The following RBMS1 variants were observed in gnomAD, a reference collection of about 807,000 sequenced individuals.
RBMS1 encodes the protein RNA binding motif single stranded interacting protein 1.
A neutral mutation model predicts 62.3 loss-of-function variants in RBMS1; 17 were observed. The observed-to-expected ratio is 0.27, with a 90% CI of 0.19 to 0.41. RBMS1 has a LOEUF of 0.41. Among genes scored for constraint, RBMS1 ranks in the 10% least tolerant of loss-of-function variants. The pLI, the probability that RBMS1 is intolerant of heterozygous loss-of-function variation, is 1.00. For missense variants in RBMS1, 334 were observed against 504.5 expected (o/e 0.66, Z 3.24); for synonymous variants, 172 against 170.0 (o/e 1.01, Z -0.09).
chr2:160,359,439 G>A (rs531835240), intron 2 of RBMS1, among the ~76,000 whole-genome samples: 1 of 152,084 alleles, frequency 6.6e-6, no homozygotes, highest in Non-Finnish European at 1.5e-5. Context: ...TTTGACCTTG[G>A]GTCCCCTAAC....
At chr2:160,332,878 A>G (rs1691356447) in intron 2 of RBMS1, among the ~76,000 whole-genome samples, 2 of 149,688 alleles carry the variant, frequency 1.3e-5, no homozygotes, top group Admixed American at 6.7e-5. Context: ...TTTTATATAT[A>G]TAATGTTTTA....
intron 1 of RBMS1, among the ~76,000 whole-genome samples, chr2:160,389,865 G>A (rs1455766690): frequency 6.6e-6 from 1 of 150,482 alleles, no homozygotes; most frequent in South Asian, 2.1e-4. Flanking sequence ...GGGGAGGAGA[G>A]GAAAATTTTA....
rs1683939369 is a variant in RBMS1, at chr2:160,450,582, A to AAAC, written c.75+42706_75+42707insGTT. On this transcript the variant is annotated intron_variant, in intron 1 of 13. Transcript: ENST00000348849. Reference sequence around the variant, plus strand: ...AAAAAATGAAAAAAAAAAAAAAACAAAAAACATTAACCCAGTTTGTAATAG... The same window carrying AAAC: ...AAAAAATGAAAAAAAAAAAAAAACAAAACAAAACATTAACCCAGTTTGTAATAG... Among the ~76,000 whole-genome samples, 7 of 150,618 alleles carry AAAC rather than the reference A, an allele frequency of 4.6e-5. No individual in the cohort carries two copies. In the South Asian group the frequency reaches 1.0e-3, roughly 23 times the overall value.
At chr2:160,422,502 C>A (rs932959532) in intron 1 of RBMS1, among the ~76,000 whole-genome samples, 2 of 152,142 alleles carry the variant, frequency 1.3e-5, no homozygotes, top group African/African-American at 4.8e-5. Context: ...AATCCCCACA[C>A]CACACTATTA....
rs145234329 is a variant in RBMS1 at position 160,462,878 on chromosome 2, G to T, written c.75+30411C>A. ...CCCAAAGTGCTGGGATTACAGGCGT[G>T]AGCCACAGCACCTGGCCAGCCAAAA... On this transcript the variant is annotated intron_variant, in intron 1 of 13. Transcript: ENST00000348849. Among the ~76,000 whole-genome samples, 2,246 of 149,982 alleles carry T rather than the reference G, an allele frequency of 0.015. 173 individuals are homozygous for T. The East Asian group carries it at 0.22, about 15-fold the overall frequency.
intron 2 of RBMS1, among the ~76,000 whole-genome samples, chr2:160,353,096 A>G (rs1036716016): frequency 1.3e-5 from 2 of 152,168 alleles, no homozygotes; most frequent in African/African-American, 4.8e-5. Flanking sequence ...TAGGTATGTT[A>G]CTGATACTGT....
At chr2:160,316,282 G>A (rs1283989718) in intron 3 of RBMS1, among the ~76,000 whole-genome samples, 3 of 151,956 alleles carry the variant, frequency 2.0e-5, no homozygotes, top group East Asian at 3.9e-4. Context: ...CTCACCCACC[G>A]TCTCAACCCA....
chr2:160,406,656 C>T (rs1695724525), intron 1 of RBMS1, among the ~76,000 whole-genome samples: 1 of 152,200 alleles, frequency 6.6e-6, no homozygotes, highest in Non-Finnish European at 1.5e-5. Context: ...GTTATTGCTG[C>T]TGCTGAAAGG....
intron 6 of RBMS1, among the ~76,000 whole-genome samples, chr2:160,299,774 A>T (rs1167015476): frequency 2.0e-5 from 3 of 152,110 alleles, no homozygotes; most frequent in Non-Finnish European, 4.4e-5. Context: ...TCCACTTGAG[A>T]TTAGGGAGGG....
intron 1 of RBMS1, among the ~76,000 whole-genome samples, chr2:160,441,636 G>C (rs1312027269): frequency 6.6e-6 from 1 of 152,202 alleles, no homozygotes; most frequent in African/African-American, 2.4e-5. Flanking sequence ...ATGGCAGGAA[G>C]ATCTCTTGAG....
At chr2:160,296,603 G>A (rs925332038) in intron 6 of RBMS1, among the ~76,000 whole-genome samples, 5 of 152,200 alleles carry the variant, frequency 3.3e-5, no homozygotes, top group African/African-American at 1.2e-4. Flanking sequence ...TGGCTGGAAT[G>A]AATCTAACTT....
Position 160,316,889 on chromosome 2 carries a change from T to G in RBMS1, c.310+1280A>C, listed in dbSNP as rs182179070. Among the ~76,000 whole-genome samples the G allele has an allele frequency of 9.8e-5, 15 of 152,326 alleles. No homozygotes were observed. The East Asian group carries it at 2.5e-3, about 25-fold the overall frequency. ...TTATTCCTGCAAGAGTCTATTTTTC[T>G]TTATAAAACCAAAAGATTTTTTTTC... On this transcript the variant is annotated intron_variant, in intron 3 of 13. Transcript: ENST00000348849.
chr2:160,462,889 C>T (rs996788351), intron 1 of RBMS1, among the ~76,000 whole-genome samples: 2 of 152,164 alleles, frequency 1.3e-5, no homozygotes, highest in African/African-American at 4.8e-5. Context: ...AGCCACAGCA[C>T]CTGGCCAGCC....
intron 4 of RBMS1, among the ~76,000 whole-genome samples, chr2:160,308,540 A>T (rs550532755): frequency 6.6e-6 from 1 of 152,340 alleles, no homozygotes; most frequent in East Asian, 1.9e-4. Flanking sequence ...TAGAACAATA[A>T]ACCCACTGAC....
intron 2 of RBMS1, among the ~76,000 whole-genome samples, chr2:160,360,450 C>T (rs1465490361): frequency 6.6e-6 from 1 of 152,162 alleles, no homozygotes; most frequent in Non-Finnish European, 1.5e-5. Context: ...AAAGAATAAA[C>T]TCCAAACTAA....
intron 1 of RBMS1, among the ~76,000 whole-genome samples, chr2:160,412,869 T>C (rs1696086027): frequency 6.6e-6 from 1 of 152,224 alleles, no homozygotes; most frequent in African/African-American, 2.4e-5. Flanking sequence ...TCATTGCTAA[T>C]TGATGAACTT....
intron 1 of RBMS1, among the ~76,000 whole-genome samples, chr2:160,392,726 T>C (rs1164121500): frequency 6.6e-6 from 1 of 152,150 alleles, no homozygotes; most frequent in Non-Finnish European, 1.5e-5. Flanking sequence ...ATCTTATCTC[T>C]ACAAAAAATT....
At chr2:160,311,243 T>TATCTATATATAG (rs1559361627) in intron 4 of RBMS1, among the ~76,000 whole-genome samples, 3 of 138,322 alleles carry the variant, frequency 2.2e-5, no homozygotes, top group African/African-American at 8.0e-5. Context: ...TATATATATA[T>TATCTATATATAG]ATATATATAT....
chr2:160,377,890 G>C (rs772269994), intron 1 of RBMS1, among the ~76,000 whole-genome samples: 33 of 152,214 alleles, frequency 2.2e-4, no homozygotes, highest in Non-Finnish European at 4.0e-4. Flanking sequence ...TGGGCTTCCA[G>C]TCCCGACACT....
Sources: allele counts gnomAD v4.1 joint callset (sites outside exome capture counted in the v4.1 genomes callset), GRCh38; gene constraint gnomAD v4.1.1; transcripts MANE v1.5; gene names NCBI Gene and HGNC (gene_info 2026-07-23, HGNC 2026-07-21).